NAV2: variants seen among roughly 807,000 people sequenced by gnomAD.
NAV2 encodes neuron navigator 2.
A neutral mutation model predicts 223.2 loss-of-function variants in NAV2; 54 were observed. The ratio of observed to expected loss-of-function variants is 0.24; its 90% confidence interval spans 0.19 to 0.30. NAV2 has a LOEUF of 0.30. Ranked by LOEUF, NAV2 falls within the 10% of genes least tolerant of loss-of-function variation. The pLI, the probability that NAV2 is intolerant of heterozygous loss-of-function variation, is 1.00. For missense variants in NAV2, 2,806 were observed against 3,147.5 expected (o/e 0.89, Z 2.60); for synonymous variants, 1,279 against 1,239.3 (o/e 1.03, Z -0.67).
intron 1 of NAV2, among the ~76,000 whole-genome samples, chr11:19,772,298 A>G (rs1467046159): frequency 1.3e-5 from 2 of 152,186 alleles, no homozygotes; most frequent in Non-Finnish European, 2.9e-5. Context: ...TATGACAGTA[A>G]TGCAGACAAC....
rs537124623 is a variant in NAV2, at chr11:20,106,626, G to GTTGTTTTTGTTTTTGTTT, written c.6841+914_6841+931dup. 5.2e-3 allele frequency among the ~76,000 whole-genome samples: 780 copies of GTTGTTTTTGTTTTTGTTT among 149,602 alleles called. 12 individuals are homozygous for GTTGTTTTTGTTTTTGTTT. The highest frequency in any genetic ancestry group is 0.04 in the East Asian group (205 of 5,100). On this transcript the variant is annotated intron_variant, in intron 35 of 37. Coordinates refer to ENST00000349880, the MANE Select transcript of NAV2 (RefSeq NM_145117.5). The stretch of plus-strand genomic sequence containing the variant: ...GAGCATTCTTTGTTGCTACTCAGTT[G>GTTGTTTTTGTTTTTGTTT]TTGTTTTTGTTTTTGTTTTTGTTTT...
chr11:19,595,276 ATCC>A, intron 1 of NAV2, among the ~76,000 whole-genome samples: 1 of 152,308 alleles, frequency 6.6e-6, no homozygotes, highest in Non-Finnish European at 1.5e-5. Flanking sequence ...ACCAGGGAGC[ATCC>A]TCAGGAGAAA....
chr11:19,627,928 AGAAGAAGAAG>A (rs2047219206), intron 1 of NAV2, among the ~76,000 whole-genome samples: 1 of 129,134 alleles, frequency 7.7e-6, no homozygotes, highest in Non-Finnish European at 1.6e-5. Context: ...AAAAAAAAAA[AGAAGAAGAAG>A]AAGAAGAAGA....
intron 3 of NAV2, among the ~76,000 whole-genome samples, chr11:19,864,489 A>G (rs931035066): frequency 6.6e-6 from 1 of 152,308 alleles, no homozygotes; most frequent in Admixed American, 6.5e-5. Context: ...TCCAGCCTTA[A>G]TCATGATTGA....
intron 10 of NAV2, 147 bp from the exon 11 acceptor site, chr11:19,983,978 C>A: frequency 4.1e-6 from 4 of 977,738 alleles, no homozygotes; most frequent in Non-Finnish European, 4.7e-6. Context: ...TATCCTTGGG[C>A]TGTGATCAGT....
At chr11:19,488,195 T>C (rs1279512748) in intron 1 of NAV2, among the ~76,000 whole-genome samples, 1 of 152,184 alleles carries the variant, frequency 6.6e-6, no homozygotes, top group East Asian at 1.9e-4. Context: ...AACTGCAAGG[T>C]TTCTGGGACC....
intron 1 of NAV2, among the ~76,000 whole-genome samples, chr11:19,813,487 A>G (rs1487357726): frequency 6.6e-6 from 1 of 152,160 alleles, no homozygotes; most frequent in Non-Finnish European, 1.5e-5. Flanking sequence ...GTAAGCACCG[A>G]GAGTTGGATT....
chr11:19,670,628 G>A (rs1040502381), intron 1 of NAV2, among the ~76,000 whole-genome samples: 1 of 152,196 alleles, frequency 6.6e-6, no homozygotes, highest in African/African-American at 2.4e-5. Flanking sequence ...GCATCTCTCT[G>A]ACTCACTGAG....
intron 1 of NAV2, among the ~76,000 whole-genome samples, chr11:19,830,086 G>A (rs752732410): frequency 2.3e-4 from 35 of 152,026 alleles, no homozygotes; most frequent in Non-Finnish European, 4.7e-4. Flanking sequence ...TTAGCCAAGC[G>A]TGGTGGCATG....
intron 1 of NAV2, among the ~76,000 whole-genome samples, chr11:19,730,027 G>A (rs181783942): frequency 6.6e-6 from 1 of 152,212 alleles, no homozygotes; most frequent in Non-Finnish European, 1.5e-5. Flanking sequence ...AGAAAGAGAT[G>A]CCCAGAGAGG....
At chr11:19,633,781 T>C (rs2047413376) in intron 1 of NAV2, among the ~76,000 whole-genome samples, 1 of 152,188 alleles carries the variant, frequency 6.6e-6, no homozygotes, top group Non-Finnish European at 1.5e-5. Flanking sequence ...CGGCCTTTGC[T>C]CCATAAAGTG....
At chr11:19,441,472 A>ACG (rs1293523367) in intron 1 of NAV2, among the ~76,000 whole-genome samples, 1 of 151,292 alleles carries the variant, frequency 6.6e-6, no homozygotes, top group African/African-American at 2.4e-5. Flanking sequence ...ACACACACAC[A>ACG]CCCTTCAACA....
At chr11:19,591,389 G>A (rs1336643167) in intron 1 of NAV2, 1 of 152,190 alleles carries the variant, frequency 6.6e-6, no homozygotes, top group Non-Finnish European at 1.5e-5. Flanking sequence ...TAGATGGTCA[G>A]GCACTGTCAT....
At chr11:19,709,786 C>T (rs114447139), upstream of NAV2, among the ~76,000 whole-genome samples, 2,331 of 151,316 alleles carry the variant, frequency 0.015, 43 homozygotes, top group African/African-American at 0.055. Flanking sequence ...GAGCAAAACT[C>T]GGTCACAAAA....
intron 20 of NAV2, among the ~76,000 whole-genome samples, chr11:20,063,824 G>T (rs571919018): frequency 9.2e-5 from 14 of 152,256 alleles, no homozygotes; most frequent in African/African-American, 3.4e-4. Context: ...GATAATGCCT[G>T]GTTTCTATAT....
intron 1 of NAV2, among the ~76,000 whole-genome samples, chr11:19,469,140 A>G (rs1442520902): frequency 6.6e-6 from 1 of 152,208 alleles, no homozygotes; most frequent in African/African-American, 2.4e-5. Flanking sequence ...ACCCTATTAT[A>G]CAAGAGTGAT....
At chr11:19,956,403 C>A (rs1428795903) in intron 10 of NAV2, among the ~76,000 whole-genome samples, 1 of 151,736 alleles carries the variant, frequency 6.6e-6, no homozygotes, top group Non-Finnish European at 1.5e-5. Flanking sequence ...CACGCTCTCT[C>A]TCTCTCTCTC....
chr11:19,793,139 C>T (rs1403326328), intron 1 of NAV2, among the ~76,000 whole-genome samples: 2 of 141,150 alleles, frequency 1.4e-5, no homozygotes, highest in Admixed American at 1.5e-4. Flanking sequence ...AACCCAGGTA[C>T]AGAGGTTGCA....
chr11:20,073,054 A>G (rs1239518035), intron 22 of NAV2, among the ~76,000 whole-genome samples: 2 of 152,172 alleles, frequency 1.3e-5, no homozygotes, highest in Admixed American at 6.5e-5. Flanking sequence ...CCCATTCAGT[A>G]TGATATTGGC....
Sources: gnomAD v4.1 joint callset for allele counts (sites outside exome capture counted in the v4.1 genomes callset) on GRCh38, gnomAD v4.1.1 for gene constraint, MANE v1.5 for transcripts, NCBI Gene and HGNC (gene_info 2026-07-23, HGNC 2026-07-21) for gene names.